The following BLOC1S6 variants were observed in gnomAD, a reference collection of about 807,000 sequenced individuals.
BLOC1S6 encodes biogenesis of lysosome-related organelles complex 1 subunit 6.
A neutral mutation model predicts 24.7 loss-of-function variants in BLOC1S6; 24 were observed. That is an observed-to-expected ratio of 0.97 (90% CI 0.70 to 1.37). BLOC1S6 has a LOEUF of 1.37. BLOC1S6 is among the 40% of genes most tolerant of loss of function. BLOC1S6 has a pLI of 0.00. For synonymous variants in BLOC1S6, 76 were observed against 72.6 expected (o/e 1.05, Z -0.23); for missense variants, 175 against 196.2 (o/e 0.89, Z 0.64).
upstream of BLOC1S6, chr15:45,587,191 C>T (rs756296741): frequency 5.3e-6 from 3 of 563,414 alleles, no homozygotes; most frequent in Non-Finnish European, 9.6e-6. Flanking sequence ...ATCGCAGGGA[C>T]TCGAGCCCCA....
chr15:45,604,270 T>G (rs1030470855), intron 3 of BLOC1S6, among the ~76,000 whole-genome samples: 2 of 152,156 alleles, frequency 1.3e-5, no homozygotes, highest in African/African-American at 4.8e-5. Context: ...AAAAATGGAC[T>G]TTTCTTTGGA....
chr15:45,603,015 A>T lies in BLOC1S6; in HGVS notation c.225-85A>T, dbSNP rs762503760. 7.0e-6 allele frequency: 6 copies of T among 859,474 alleles called. No homozygotes were observed. The Admixed American group carries it at 7.7e-5, about 11-fold the overall frequency. The allele number at this position is 859,474 out of a possible 1,614,324, so 53.2% of individuals were successfully genotyped here. A position where few individuals can be genotyped will look rare whatever the true frequency, so the allele number is the denominator to read the frequency against. Reference sequence around the variant, plus strand: ...ATTTCCTACTTAACTAACTGTTACCATTAACCAAGATGAATATGATTCCTT... The same window carrying T: ...ATTTCCTACTTAACTAACTGTTACCTTTAACCAAGATGAATATGATTCCTT... On this transcript the variant is annotated intron_variant, in intron 2 of 4. Transcript: ENST00000220531.
In BLOC1S6 at chr15:45,599,967, A is replaced by G. The variant is rs1373384611; in HGVS notation, c.225-3133A>G. Among the ~76,000 whole-genome samples, 15 of 150,280 alleles carry G rather than the reference A, an allele frequency of 1.0e-4. No homozygotes were observed. The South Asian group carries it at 2.7e-3, about 27-fold the overall frequency. On this transcript the variant is annotated intron_variant, in intron 2 of 4. Coordinates refer to ENST00000220531, the MANE Select transcript of BLOC1S6 (RefSeq NM_012388.4). ...CAATGATAGACTGGATTAAGAAAAT[A>G]TGGCACATATACACCATGGAATACT...
intron 2 of BLOC1S6, among the ~76,000 whole-genome samples, chr15:45,597,376 G>A (rs1894117026): frequency 6.6e-6 from 1 of 152,136 alleles, no homozygotes; most frequent in Admixed American, 6.6e-5. Context: ...CTACTTGGGA[G>A]GCTGAGGCAG....
intron 3 of BLOC1S6, 107 bp downstream of exon 3, chr15:45,603,294 C>T: frequency 1.4e-6 from 1 of 704,768 alleles, no homozygotes; most frequent in Non-Finnish European, 2.5e-6. Context: ...GTCTTTTTAA[C>T]AAGAAACCTT....
At chr15:45,593,749 G>C (rs947001201) in intron 2 of BLOC1S6, among the ~76,000 whole-genome samples, 22 of 152,026 alleles carry the variant, frequency 1.4e-4, no homozygotes, top group Admixed American at 6.6e-5. Context: ...TTATTTTGAC[G>C]ATGATAGTAA....
At position 45,588,000 on chromosome 15, in the gene BLOC1S6, C is replaced by G. The variant is rs957591345; in HGVS notation, c.82+475C>G. ...CAGGAGGGATTTAAGCTCTAATGCC[C>G]TAAGGCATCCATTGAATGGAATGAA... On this transcript the variant is annotated intron_variant, in intron 1 of 4. Transcript: ENST00000220531. 7.3e-6 allele frequency: 4 copies of G among 546,794 alleles called. No individual in the cohort carries two copies. In the African/African-American group the frequency reaches 7.6e-5, roughly 10 times the overall value. 33.9% of individuals were successfully genotyped at this position (546,794 alleles called of 1,614,324 possible).
chr15:45,590,765 T>G (rs1893855242), intron 1 of BLOC1S6, among the ~76,000 whole-genome samples: 1 of 152,320 alleles, frequency 6.6e-6, no homozygotes, highest in Middle Eastern at 3.4e-3. Flanking sequence ...CTTAGAAATG[T>G]GTCACAAGCA....
Position 45,606,496 on chromosome 15 carries a change from A to T in BLOC1S6, c.501A>T (p.Arg167Ser), listed in dbSNP as rs775510569. 6.2e-6 allele frequency: 10 copies of T among 1,614,154 alleles called. No homozygotes were observed. In the Middle Eastern group the frequency reaches 8.2e-4, roughly 133 times the overall value. The change falls in exon 5 of 5, where the codon AGA (arginine) becomes AGT (serine). Residue 167 changes from arginine to serine, a missense_variant. Arg to Ser is a moderately radical substitution (Grantham distance 110, BLOSUM62 -1). Coordinates refer to ENST00000220531, the MANE Select transcript of BLOC1S6 (RefSeq NM_012388.4). ...EFEREKQLTA[R>S]PAKRM ...AAAGAGAAAAGCAGTTAACTGCCAG[A>T]CCAGCCAAAAGGATGTGAAAAGTTG...
At chr15:45,605,397 CT>C (rs1207613182) in intron 3 of BLOC1S6, 30 bp from the exon 4 acceptor site, 12 of 1,523,486 alleles carry the variant, frequency 7.9e-6, no homozygotes, top group African/African-American at 4.1e-5. Flanking sequence ...TCTATTTTAA[CT>C]TGACTTTTCA....
At position 45,607,168 on chromosome 15, in the gene BLOC1S6, T is replaced by C. The variant is rs974237776; in HGVS notation, c.*654T>C. ...TTTGTGGACTGGGCATGGTGGCTTA[T>C]GGAAAAGAGGTGAGCCTTTGTGAAG... is the stretch of plus-strand genomic sequence containing the variant. On this transcript the variant is annotated 3_prime_UTR_variant, in exon 5 of 5. Transcript: ENST00000220531. The C allele has an allele frequency of 1.3e-5, 2 of 152,468 alleles. No individual in the cohort carries two copies. Among genetic ancestry groups the C allele is most frequent in the Non-Finnish European group, 2.9e-5 (2 of 68,258 alleles). 9.4% of individuals were successfully genotyped at this position (152,468 alleles called of 1,614,324 possible). A position where few individuals can be genotyped will look rare whatever the true frequency, so the allele number is the denominator to read the frequency against.
At chr15:45,596,263 C>T (rs1009910720) in intron 2 of BLOC1S6, among the ~76,000 whole-genome samples, 1 of 151,386 alleles carries the variant, frequency 6.6e-6, no homozygotes, top group Non-Finnish European at 1.5e-5. Flanking sequence ...AGTGGCGCAG[C>T]CTTAGCTCAC....
At chr15:45,589,868 G>A (rs1893820162) in intron 1 of BLOC1S6, among the ~76,000 whole-genome samples, 1 of 152,030 alleles carries the variant, frequency 6.6e-6, no homozygotes, top group South Asian at 2.1e-4. Context: ...AACAAAAAAT[G>A]AGTAACTGAG....
rs1375028468 is a variant in BLOC1S6 at position 45,587,470 on chromosome 15, G to C, written c.27G>C (p.Pro9=). Reference sequence around the variant, plus strand: ...TGAGTGTCCCTGGGCCGTCGTCTCCGGACGGGGCCCTGACACGGCCACCCT... The same window carrying C: ...TGAGTGTCCCTGGGCCGTCGTCTCCCGACGGGGCCCTGACACGGCCACCCT... MSVPGPSS[P]DGALTRPPYC... Residue 9 remains proline (P), a synonymous_variant, in exon 1 of 5, where the codon CCG becomes CCC. Coordinates refer to ENST00000220531, the MANE Select transcript of BLOC1S6 (RefSeq NM_012388.4). 1 of 1,582,822 alleles carries C rather than the reference G, an allele frequency of 6.3e-7. No homozygotes were observed. Among genetic ancestry groups the C allele is most frequent in the Non-Finnish European group, 8.6e-7 (1 of 1,163,958 alleles).
At chr15:45,604,693 T>G (rs1302900948) in intron 3 of BLOC1S6, among the ~76,000 whole-genome samples, 1 of 152,200 alleles carries the variant, frequency 6.6e-6, no homozygotes, top group Non-Finnish European at 1.5e-5. Context: ...GCAGCTACAT[T>G]AAGGCTGTGA....
Position 45,608,822 on chromosome 15 carries a change from T to A in BLOC1S6, c.*2308T>A, listed in dbSNP as rs1894575102. 1 of 152,196 alleles carries A rather than the reference T, an allele frequency of 6.6e-6. No homozygotes were observed. The highest frequency in any genetic ancestry group is 2.1e-4 in the South Asian group (1 of 4,834). The allele number at this position is 152,196 out of a possible 1,614,324, so 9.4% of individuals were successfully genotyped here. Reference sequence around the variant, plus strand: ...TTGTATTATAAGCGATGAAATACTTTAAAAGCTACCCAGTAACTCTTGGGA... The same window carrying A: ...TTGTATTATAAGCGATGAAATACTTAAAAAGCTACCCAGTAACTCTTGGGA... On this transcript the variant is annotated 3_prime_UTR_variant, in exon 5 of 5. Transcript: ENST00000220531.
intron 2 of BLOC1S6, among the ~76,000 whole-genome samples, chr15:45,594,674 C>T (rs8042253): frequency 0.097 from 14,673 of 151,654 alleles, 2,433 homozygotes; most frequent in African/African-American, 0.34. Flanking sequence ...ACCTCTGCCT[C>T]CTGGGTTCAA....
chr15:45,590,197 A>G (rs930185771), intron 1 of BLOC1S6, among the ~76,000 whole-genome samples: 1 of 149,162 alleles, frequency 6.7e-6, no homozygotes, highest in African/African-American at 2.5e-5. Flanking sequence ...CTCTCTCTAT[A>G]TTTTTTCTTT....
At chr15:45,592,620 T>C (rs1415376077) in intron 2 of BLOC1S6, among the ~76,000 whole-genome samples, 1 of 152,136 alleles carries the variant, frequency 6.6e-6, no homozygotes, top group African/African-American at 2.4e-5. Flanking sequence ...AGTTGAAAAA[T>C]TGCCTCCATA....
Sources: allele counts gnomAD v4.1 joint callset (sites outside exome capture counted in the v4.1 genomes callset), GRCh38; gene constraint gnomAD v4.1.1; transcripts MANE v1.5; gene names NCBI Gene and HGNC (gene_info 2026-07-23, HGNC 2026-07-21).